The following STX11 variants were observed in gnomAD, a reference collection of about 807,000 sequenced individuals.
STX11 encodes the protein syntaxin-11.
A neutral mutation model predicts 19.9 loss-of-function variants in STX11; 21 were observed. The ratio of observed to expected loss-of-function variants is 1.06; its 90% CI spans 0.75 to 1.52. The LOEUF is 1.52. STX11 is among the 40% of genes most tolerant of loss of function. The pLI is 0.00. For missense variants in STX11, 438 were observed against 405.9 expected (o/e 1.08, Z -0.68); for synonymous variants, 193 against 174.4 (o/e 1.11, Z -0.84).
At chr6:144,144,220 T>A in the STX11 span, among the ~76,000 whole-genome samples, 1 of 152,342 alleles carries the variant, frequency 6.6e-6, no homozygotes, top group East Asian at 1.9e-4. Context: ...ATTTAGTAGG[T>A]GAGTTGAATG....
In STX11 at chr6:144,151,121, G is replaced by C. The variant is rs1474580896; in HGVS notation, c.-6+418G>C. ...TAGGGTGACTGTGTCAAAAACACCA[G>C]AATGGGTACTTCTTGACTTGAACTT... On this transcript the variant is annotated intron_variant, in intron 1 of 1. Coordinates refer to ENST00000367568, the MANE Select transcript of STX11 (RefSeq NM_003764.4). This position sits in a 1 kb window ranked among gnomAD's most constrained non-coding sequence, Gnocchi z 4.6. The C allele has an allele frequency of 6.3e-6, 3 of 472,548 alleles. No individual in the cohort carries two copies. The East Asian group carries it at 4.7e-4, about 73-fold the overall frequency. The allele number at this position is 472,548 out of a possible 1,614,324, so 29.3% of individuals were successfully genotyped here. A position where few individuals can be genotyped will look rare whatever the true frequency, so the allele number is the denominator to read the frequency against.
chr6:144,178,719 C>CT (rs1801832306), intron 1 of STX11, among the ~76,000 whole-genome samples: 1 of 152,188 alleles, frequency 6.6e-6, no homozygotes, highest in African/African-American at 2.4e-5. Context: ...TAGCCTCAGA[C>CT]TTTTATCGTT....
rs987339706 is a variant in STX11, at chr6:144,182,969, G to A, written c.-5-3654G>A. ...CTCAACTCTACGCAAACTAGCTAAT[G>A]TGCTTTCCCCAGGTAGCATAAAATG... On this transcript the variant is annotated intron_variant, in intron 1 of 1. Transcript: ENST00000367568. This position sits in a 1 kb window ranked among gnomAD's most constrained non-coding sequence, Gnocchi z 4.8. 6.6e-6 allele frequency among the ~76,000 whole-genome samples: 1 copy of A among 152,216 alleles called. No individual in the cohort carries two copies. The highest frequency in any genetic ancestry group is 2.4e-5 in the African/African-American group (1 of 41,468).
intron 1 of STX11, among the ~76,000 whole-genome samples, chr6:144,166,605 A>G (rs1801488289): frequency 6.9e-6 from 1 of 145,594 alleles, no homozygotes; most frequent in Non-Finnish European, 1.5e-5. Context: ...AGCCCACTGC[A>G]ACCTCTGCCT....
chr6:144,163,387 G>C lies in STX11; in HGVS notation c.-6+12684G>C, dbSNP rs186901697. On this transcript the variant is annotated intron_variant, in intron 1 of 1. Coordinates refer to ENST00000367568, the MANE Select transcript of STX11 (RefSeq NM_003764.4). ...CATGAGTTTGAGACTATCTTAGGCA[G>C]CATAGCGAGACCCCATCTCTACAAA... Among the ~76,000 whole-genome samples the C allele has an allele frequency of 9.4e-4, 143 of 152,214 alleles. 1 individual carries two copies. The highest frequency in any genetic ancestry group is 6.9e-3 in the Admixed American group (105 of 15,284).
At position 144,175,063 on chromosome 6, in the gene STX11, A is replaced by G. The variant is rs532721388; in HGVS notation, c.-5-11560A>G. Among the ~76,000 whole-genome samples, 5 of 152,270 alleles carry G rather than the reference A, an allele frequency of 3.3e-5. No individual in the cohort carries two copies. The highest frequency in any genetic ancestry group is 1.9e-4 in the East Asian group (1 of 5,156). On this transcript the variant is annotated intron_variant, in intron 1 of 1. Coordinates refer to ENST00000367568, the MANE Select transcript of STX11 (RefSeq NM_003764.4). The surrounding 1 kb of genome is among the most constrained non-coding windows in gnomAD (Gnocchi z 5.1). ...CAAGAGTTCGAGACCAACCTGGCCA[A>G]TGTAATGAAACCCTGTCTCTACTAA...
intron 1 of STX11, among the ~76,000 whole-genome samples, chr6:144,164,484 TA>T: frequency 6.6e-6 from 1 of 152,364 alleles, no homozygotes; most frequent in African/African-American, 2.4e-5. Flanking sequence ...ATTCTTTAGC[TA>T]CAGAATTTTC....
Position 144,162,492 on chromosome 6 carries a change from A to G in STX11, c.-6+11789A>G, listed in dbSNP as rs73778546. On this transcript the variant is annotated intron_variant, in intron 1 of 1. Coordinates refer to ENST00000367568, the MANE Select transcript of STX11 (RefSeq NM_003764.4). This position sits in a 1 kb window ranked among gnomAD's most constrained non-coding sequence, Gnocchi z 4.6. ...GAGCAAAAGTAATGTTCAATTTGCT[A>G]TTTTATCCAGAATGTGGAAGGCGTC... Among the ~76,000 whole-genome samples, 665 of 152,274 alleles carry G rather than the reference A, an allele frequency of 4.4e-3. 2 individuals are homozygous for G. The highest frequency in any genetic ancestry group is 0.014 in the African/African-American group (578 of 41,542).
chr6:144,149,610 G>C (rs903679197), upstream of STX11, among the ~76,000 whole-genome samples: 1 of 152,106 alleles, frequency 6.6e-6, no homozygotes, highest in African/African-American at 2.4e-5. The surrounding 1 kb of genome is among the most constrained non-coding windows in gnomAD (Gnocchi z 5.1). Flanking sequence ...CCGAGCAGCT[G>C]GGATCACAGC....
chr6:144,151,588 A>G lies in STX11; in HGVS notation c.-6+885A>G, dbSNP rs1801008354. ...GTTTCCTAAGGCGCCTGATGTTACA[A>G]CATGCCAGTAAAGGTCACTGGGCTG... On this transcript the variant is annotated intron_variant, in intron 1 of 1. Coordinates refer to ENST00000367568, the MANE Select transcript of STX11 (RefSeq NM_003764.4). This position sits in a 1 kb window ranked among gnomAD's most constrained non-coding sequence, Gnocchi z 4.6. Among the ~76,000 whole-genome samples the G allele has an allele frequency of 6.6e-6, 1 of 152,232 alleles. No individual in the cohort carries two copies. The highest frequency in any genetic ancestry group is 1.5e-5 in the Non-Finnish European group (1 of 68,040).
Position 144,154,584 on chromosome 6 carries a change from G to A in STX11, c.-6+3881G>A, listed in dbSNP as rs140665210. 5.3e-5 allele frequency among the ~76,000 whole-genome samples: 8 copies of A among 152,254 alleles called. No individual in the cohort carries two copies. Among genetic ancestry groups the A allele is most frequent in the Admixed American group, 2.6e-4 (4 of 15,294 alleles). The stretch of plus-strand genomic sequence containing the variant: ...GTTTTGTTGCTAAGATTTTCCATAG[G>A]GAAGCAGAAAGGCTAGCAAGGGAGG... On this transcript the variant is annotated intron_variant, in intron 1 of 1. Coordinates refer to ENST00000367568, the MANE Select transcript of STX11 (RefSeq NM_003764.4). The surrounding 1 kb of genome is among the most constrained non-coding windows in gnomAD (Gnocchi z 4.7).
upstream of STX11, chr6:144,150,492 G>T (rs1284814072): frequency 1.0e-6 from 1 of 985,126 alleles, no homozygotes; most frequent in Non-Finnish European, 1.2e-6. Context: ...CTTCCTAAGC[G>T]GCGGGGGCTG....
chr6:144,168,975 G>C (rs1436013608), intron 1 of STX11, among the ~76,000 whole-genome samples: 1 of 152,238 alleles, frequency 6.6e-6, no homozygotes, highest in Non-Finnish European at 1.5e-5. Context: ...TCTTGCAACT[G>C]TCATCCAGTG....
chr6:144,148,820 C>T (rs1800926440), upstream of STX11, among the ~76,000 whole-genome samples: 1 of 152,206 alleles, frequency 6.6e-6, no homozygotes, highest in Non-Finnish European at 1.5e-5. Context: ...GCCTCGAACT[C>T]CTGGCCTCAA....
chr6:144,142,484 T>C, the STX11 span, among the ~76,000 whole-genome samples: 1 of 152,190 alleles, frequency 6.6e-6, no homozygotes, highest in Admixed American at 6.5e-5. Context: ...TATATTGAAA[T>C]ATTTAAAACT....
the STX11 span, among the ~76,000 whole-genome samples, chr6:144,145,382 G>A: frequency 6.6e-6 from 1 of 152,140 alleles, no homozygotes; most frequent in Non-Finnish European, 1.5e-5. Context: ...TAAAATGGTG[G>A]AATCTAGCAA....
rs752423635 is a variant in STX11 at position 144,187,024 on chromosome 6, A to G, written c.397A>G (p.Asn133Asp). 28 of 1,612,034 alleles carry G rather than the reference A, an allele frequency of 1.7e-5. No homozygotes were observed. The highest frequency in any genetic ancestry group is 2.4e-5 in the Non-Finnish European group (28 of 1,179,878). ...AVARISRAQY[N>D]ALTLTFQRAM... Reference sequence around the variant, plus strand: ...GGCGCGCATTTCGCGGGCGCAGTACAACGCGCTCACCCTCACCTTCCAGCG... The same window carrying G: ...GGCGCGCATTTCGCGGGCGCAGTACGACGCGCTCACCCTCACCTTCCAGCG... The change falls in exon 2 of 2, where the codon AAC becomes GAC. Residue 133 changes from asparagine (N) to aspartate (D), a missense_variant. Asn to Asp is a conservative substitution (Grantham distance 23). Transcript: ENST00000367568. The surrounding 1 kb of genome is among the most constrained non-coding windows in gnomAD (Gnocchi z 5.6).
At chr6:144,148,654 A>G (rs956624971), upstream of STX11, among the ~76,000 whole-genome samples, 1 of 152,146 alleles carries the variant, frequency 6.6e-6, no homozygotes, top group African/African-American at 2.4e-5. Flanking sequence ...TTTTTCCCCA[A>G]GTCCTTTTTC....
In STX11 at chr6:144,167,908, A is replaced by T. The variant is rs1487499116; in HGVS notation, c.-6+17205A>T. 1.3e-5 allele frequency among the ~76,000 whole-genome samples: 2 copies of T among 152,234 alleles called. No individual in the cohort carries two copies. Among genetic ancestry groups the T allele is most frequent in the Non-Finnish European group, 2.9e-5 (2 of 68,034 alleles). On this transcript the variant is annotated intron_variant, in intron 1 of 1. Transcript: ENST00000367568. This position sits in a 1 kb window ranked among gnomAD's most constrained non-coding sequence, Gnocchi z 5.0. ...AGTGCTAGGATTACAGGTGTGAACC[A>T]CCATGCCTCACTACAGTCATGTTCT...
Sources: allele counts gnomAD v4.1 joint callset (sites outside exome capture counted in the v4.1 genomes callset), GRCh38; gene constraint gnomAD v4.1.1; non-coding constraint Gnocchi (gnomAD v3.1); transcripts MANE v1.5; gene names NCBI Gene and HGNC (gene_info 2026-07-23, HGNC 2026-07-21).